Variants in TRIM33 observed in about 807,000 individuals in gnomAD.
The protein encoded by TRIM33 is tripartite motif containing 33.
A neutral mutation model predicts 125.4 loss-of-function variants in TRIM33; 20 were observed. The ratio of observed to expected loss-of-function variants is 0.16; its 90% CI spans 0.11 to 0.23. The LOEUF (loss-of-function observed/expected upper bound fraction) is 0.23, where lower values mean the gene tolerates loss of function less well. Ranked by LOEUF, TRIM33 falls within the 10% of genes least tolerant of loss-of-function variation. The probability of loss-of-function intolerance (pLI) is 1.00; values close to 1 mark genes in which losing one functional copy is unlikely to be tolerated. For missense variants in TRIM33, 920 were observed against 1,411.4 expected (o/e 0.65, Z 5.58); for synonymous variants, 564 against 513.9 (o/e 1.10, Z -1.32).
chr1:114,472,511 T>A (rs1291771403), intron 1 of TRIM33, among the ~76,000 whole-genome samples: 1 of 152,190 alleles, frequency 6.6e-6, no homozygotes, highest in Non-Finnish European at 1.5e-5. Flanking sequence ...GGCGGGCAGA[T>A]CGCTTCAGTC....
chr1:114,432,156 G>A (rs555025320), intron 5 of TRIM33, among the ~76,000 whole-genome samples: 4 of 152,178 alleles, frequency 2.6e-5, no homozygotes, highest in South Asian at 2.1e-4. Flanking sequence ...CCTCAACCCC[G>A]TGCAATCTTG....
intron 1 of TRIM33, among the ~76,000 whole-genome samples, chr1:114,478,977 G>A (rs904939031): frequency 2.0e-5 from 3 of 152,206 alleles, no homozygotes; most frequent in Admixed American, 6.5e-5. Flanking sequence ...AAACCCAGGA[G>A]GCAGAGGTTT....
chr1:114,441,071 G>A (rs913210630), intron 4 of TRIM33, among the ~76,000 whole-genome samples: 2 of 152,228 alleles, frequency 1.3e-5, no homozygotes, highest in East Asian at 3.8e-4. Context: ...AATTTCGGAG[G>A]CTGAAGTGGG....
chr1:114,397,977 A>T lies in TRIM33; in HGVS notation c.3134T>A (p.Val1045Asp), dbSNP rs1651644994. Residue 1045 changes from valine (V) to aspartate (D), a missense_variant, in exon 19 of 20, where the codon GTT (valine) becomes GAT (aspartate). Physicochemically the swap from Val to Asp is radical, Grantham distance 152. Around this residue, in one of 8 missense-constraint regions of TRIM33, gnomAD observed 122 missense variants for 236.8 expected, o/e 0.52. Coordinates refer to ENST00000358465, the MANE Select transcript of TRIM33 (RefSeq NM_015906.4). ...CTCTTGTGTGTCTGCATAAACTTGAACAACTTTCATCATCTAAAAAGGATA... is the reference window on the plus strand; with the variant it reads ...CTCTTGTGTGTCTGCATAAACTTGATCAACTTTCATCATCTAAAAAGGATA... ...CERFNEMMKV[V>D]QVYADTQEIN... The T allele has an allele frequency of 6.2e-7, 1 of 1,612,416 alleles. No homozygotes were observed. Among genetic ancestry groups the T allele is most frequent in the Non-Finnish European group, 8.5e-7 (1 of 1,179,726 alleles).
At chr1:114,416,433 TAC>T (rs1383334542) in intron 11 of TRIM33, among the ~76,000 whole-genome samples, 1 of 152,230 alleles carries the variant, frequency 6.6e-6, no homozygotes. Context: ...TTCTTCTAGT[TAC>T]CTAACTATAT....
rs143705554 is a variant in TRIM33 at position 114,474,130 on chromosome 1, G to A, written c.527-9742C>T. Among the ~76,000 whole-genome samples, 969 of 152,118 alleles carry A rather than the reference G, an allele frequency of 6.4e-3. 6 individuals are homozygous for A. The highest frequency in any genetic ancestry group is 9.3e-3 in the Non-Finnish European group (634 of 67,994). ...CACCCAGGCGGGTCTCAATCTCCCA[G>A]CCTCAAGCAATCCTCCCGCTTCAAC... On this transcript the variant is annotated intron_variant, in intron 1 of 19. Coordinates refer to ENST00000358465, the MANE Select transcript of TRIM33 (RefSeq NM_015906.4).
rs540858153 is a variant in TRIM33, at chr1:114,396,274, G to C, written c.*1374C>G. On this transcript the variant is annotated 3_prime_UTR_variant, in exon 20 of 20. Transcript: ENST00000358465. Reference sequence around the variant, plus strand: ...AGAGCCAAGTTGGTTTATCGGCCTCGGGTGCTGTAATTGGGGTGGTAAAGG... The same window carrying C: ...AGAGCCAAGTTGGTTTATCGGCCTCCGGTGCTGTAATTGGGGTGGTAAAGG... 1 of 204,202 alleles carries C rather than the reference G, an allele frequency of 4.9e-6. No individual in the cohort carries two copies. 12.6% of individuals were successfully genotyped at this position (204,202 alleles called of 1,614,324 possible).
At chr1:114,424,912 G>A (rs1198823931) in intron 9 of TRIM33, among the ~76,000 whole-genome samples, 157 bp from the exon 10 acceptor site, 1 of 152,130 alleles carries the variant, frequency 6.6e-6, no homozygotes, top group Non-Finnish European at 1.5e-5. Context: ...CAGAGGACTG[G>A]TAATGACTAG....
chr1:114,506,038 G>C (rs2101583625), intron 1 of TRIM33, among the ~76,000 whole-genome samples: 1 of 152,270 alleles, frequency 6.6e-6, no homozygotes, highest in East Asian at 1.9e-4. Context: ...CGTATTGCAA[G>C]ACCTGGAGAG....
intron 4 of TRIM33, among the ~76,000 whole-genome samples, chr1:114,454,322 A>G (rs531251792): frequency 6.6e-6 from 1 of 152,292 alleles, no homozygotes; most frequent in South Asian, 2.1e-4. Context: ...TTACCAATGG[A>G]ATTTAGAAAT....
At chr1:114,473,484 CG>C (rs1303441138) in intron 1 of TRIM33, among the ~76,000 whole-genome samples, 5 of 151,738 alleles carry the variant, frequency 3.3e-5, no homozygotes, top group Non-Finnish European at 7.4e-5. Context: ...AAGAGAGTGA[CG>C]GGGTGAGTGG....
intron 11 of TRIM33, 45 bp from the exon 12 acceptor site, chr1:114,410,361 G>C (rs774027006): frequency 6.3e-7 from 1 of 1,575,032 alleles, no homozygotes; most frequent in South Asian, 1.1e-5. Flanking sequence ...GATTAAAGCA[G>C]AGAAGTTATT....
In TRIM33 at chr1:114,432,551, C is replaced by CTGAG. The variant is rs1418104877; in HGVS notation, c.1040+1062_1040+1065dup. ...CCTATAATCCCAGCACTTTGGGAGGCTGAGGCAGGCGGATCACGAGGTCAG... is the reference window on the plus strand; with the variant it reads ...CCTATAATCCCAGCACTTTGGGAGGCTGAGTGAGGCAGGCGGATCACGAGGTCAG... On this transcript the variant is annotated intron_variant, in intron 5 of 19. Transcript: ENST00000358465. 2.6e-5 allele frequency among the ~76,000 whole-genome samples: 4 copies of CTGAG among 152,260 alleles called. No homozygotes were observed. The East Asian group carries it at 7.7e-4, about 29-fold the overall frequency.
Position 114,510,671 on chromosome 1 carries a change from G to A in TRIM33, c.406C>T (p.Arg136Cys). The A allele has an allele frequency of 6.4e-7, 1 of 1,552,042 alleles. No individual in the cohort carries two copies. Among genetic ancestry groups the A allele is most frequent in the East Asian group, 2.4e-5 (1 of 41,970 alleles). The change falls in exon 1 of 20, where the codon CGT becomes TGT. Residue 136 changes from arginine (R) to cysteine (C), a missense_variant. Transcript: ENST00000358465. ...AVCQQSLQSR[R>C]EAEPKLLPCL... The stretch of plus-strand genomic sequence containing the variant: ...GGCAGCAGCTTGGGCTCCGCCTCAC[G>A]CCGGCTCTGCAAGCTCTGCTGACAC...
At chr1:114,466,540 T>C (rs1650311946) in intron 1 of TRIM33, among the ~76,000 whole-genome samples, 1 of 152,158 alleles carries the variant, frequency 6.6e-6, no homozygotes, top group Non-Finnish European at 1.5e-5. Flanking sequence ...GTGTTTGACC[T>C]CTGGGTGCAC....
intron 4 of TRIM33, among the ~76,000 whole-genome samples, chr1:114,436,400 CAAAA>C (rs765728045): frequency 4.9e-5 from 2 of 40,850 alleles, no homozygotes; most frequent in African/African-American, 8.3e-5. Context: ...GACTCTGTCT[CAAAA>C]AAAAAAAAAA....
chr1:114,397,628 T>C lies in TRIM33; in HGVS notation c.*20A>G. 8.6e-7 allele frequency: 1 copy of C among 1,157,874 alleles called. No homozygotes were observed. The highest frequency in any genetic ancestry group is 1.2e-6 in the Non-Finnish European group (1 of 811,318). The allele number at this position is 1,157,874 out of a possible 1,614,324, so 71.7% of individuals were successfully genotyped here. A position where few individuals can be genotyped will look rare whatever the true frequency, so the allele number is the denominator to read the frequency against. The stretch of plus-strand genomic sequence containing the variant: ...TTTCGTTTTTTTTTTTTTAAACAAT[T>C]GATTTAAATCCATGTCATTTTACTT... On this transcript the variant is annotated 3_prime_UTR_variant, in exon 20 of 20. Coordinates refer to ENST00000358465, the MANE Select transcript of TRIM33 (RefSeq NM_015906.4).
chr1:114,423,370 T>C (rs1044422094), intron 10 of TRIM33, among the ~76,000 whole-genome samples: 5 of 152,114 alleles, frequency 3.3e-5, no homozygotes, highest in Admixed American at 3.3e-4. Flanking sequence ...GTAATTCAAG[T>C]CCAAGGAGAG....
chr1:114,417,267 G>C (rs965676681), intron 11 of TRIM33, among the ~76,000 whole-genome samples: 1 of 152,130 alleles, frequency 6.6e-6, no homozygotes, highest in African/African-American at 2.4e-5. Flanking sequence ...TCTTGAATTA[G>C]TGGTAATGGT....
Sources: allele counts gnomAD v4.1 joint callset (sites outside exome capture counted in the v4.1 genomes callset), GRCh38; gene constraint gnomAD v4.1.1; regional missense constraint gnomAD v4.1.1; transcripts MANE v1.5; gene names NCBI Gene and HGNC (gene_info 2026-07-23, HGNC 2026-07-21).